The following CBX1 variants were observed in gnomAD, a reference collection of about 807,000 sequenced individuals.
The protein encoded by CBX1 is chromobox protein homolog 1.
In CBX1, 10 loss-of-function variants were observed where a neutral mutation model predicts 25.1. The ratio of observed to expected loss-of-function variants is 0.40; its 90% CI spans 0.25 to 0.68. The LOEUF is 0.68. Ranked by LOEUF, CBX1 falls within the 30% of genes least tolerant of loss-of-function variation. The pLI, the probability that CBX1 is intolerant of heterozygous loss-of-function variation, is 0.40. For synonymous variants in CBX1, 63 were observed against 79.4 expected (o/e 0.79, Z 1.10); for missense variants, 106 against 218.5 (o/e 0.49, Z 3.25).
intron 1 of CBX1, among the ~76,000 whole-genome samples, chr17:48,089,749 G>A (rs988821068): frequency 1.3e-5 from 2 of 149,632 alleles, no homozygotes; most frequent in African/African-American, 4.9e-5. Context: ...CTTGAACCCG[G>A]GAGGTGGAGG....
At position 48,076,889 on chromosome 17, in the gene CBX1, A is replaced by C; in HGVS notation, c.116T>G (p.Leu39Arg). ...CTCTGAGAATCCCTTCCACTTTAGG[A>C]GGTACTCCACTTTGCCCTTTACCAC... ...RRVVKGKVEY[L>R]LKWKGFSDED... The change falls in exon 2 of 5, where the codon CTC becomes CGC. Residue 39 changes from leucine (L) to arginine (R), a missense_variant. Transcript: ENST00000225603. 6.2e-7 allele frequency: 1 copy of C among 1,611,958 alleles called. No individual in the cohort carries two copies. The highest frequency in any genetic ancestry group is 8.5e-7 in the Non-Finnish European group (1 of 1,179,500).
chr17:48,072,765 AGAGT>A (rs771813566), intron 4 of CBX1, among the ~76,000 whole-genome samples: 2 of 151,450 alleles, frequency 1.3e-5, no homozygotes, highest in African/African-American at 4.8e-5. Context: ...CCTGGGCGAC[AGAGT>A]GAGACTCTGT....
chr17:48,086,595 C>A (rs561372770), intron 1 of CBX1, among the ~76,000 whole-genome samples: 64 of 152,314 alleles, frequency 4.2e-4, no homozygotes, highest in African/African-American at 1.4e-3. Flanking sequence ...ATGGCTCACA[C>A]CTGTAATCCC....
At chr17:48,098,280 C>CAAAT (rs1433181687) in intron 1 of CBX1, among the ~76,000 whole-genome samples, 1 of 151,604 alleles carries the variant, frequency 6.6e-6, no homozygotes, top group African/African-American at 2.4e-5. Context: ...AACAAACAAA[C>CAAAT]AAAAAGAAAC....
At chr17:48,085,607 G>C (rs978020793) in intron 1 of CBX1, among the ~76,000 whole-genome samples, 3 of 151,744 alleles carry the variant, frequency 2.0e-5, no homozygotes, top group African/African-American at 7.3e-5. Flanking sequence ...GGAATATGAA[G>C]GTATTCATTG....
At position 48,071,384 on chromosome 17, in the gene CBX1, T is replaced by C. The variant is rs1338621058; in HGVS notation, c.*51A>G. The C allele has an allele frequency of 1.9e-6, 3 of 1,548,946 alleles. No individual in the cohort carries two copies. The highest frequency in any genetic ancestry group is 2.6e-6 in the Non-Finnish European group (3 of 1,146,402). On this transcript the variant is annotated 3_prime_UTR_variant, in exon 5 of 5. Coordinates refer to ENST00000225603, the MANE Select transcript of CBX1 (RefSeq NM_001127228.2). ...TCAAGACAAGTAGAACTCCTTCCCT[T>C]CCCACTTGAAACCCACAGTCAGATG...
At chr17:48,076,841 T>A (rs755645997) in intron 2 of CBX1, 24 bp downstream of exon 2, 4 of 1,602,198 alleles carry the variant, frequency 2.5e-6, no homozygotes, top group Non-Finnish European at 2.6e-6. Flanking sequence ...GGTGGCTACA[T>A]TTACCTGTGT....
chr17:48,074,909 G>A (rs918470627), intron 4 of CBX1, 97 bp downstream of exon 4: 1 of 867,382 alleles, frequency 1.2e-6, no homozygotes, highest in Admixed American at 1.9e-5. Context: ...TTTCACACTT[G>A]GGTGATTGGA....
chr17:48,077,955 A>C (rs999841920), intron 1 of CBX1, among the ~76,000 whole-genome samples: 6 of 152,082 alleles, frequency 3.9e-5, no homozygotes, highest in African/African-American at 7.2e-5. Flanking sequence ...GGGGTTCAAG[A>C]CCATCCTGGC....
intron 1 of CBX1, among the ~76,000 whole-genome samples, chr17:48,094,740 A>G (rs1172975175): frequency 1.1e-5 from 1 of 87,924 alleles, no homozygotes; most frequent in Non-Finnish European, 2.6e-5. Flanking sequence ...TCTCAAAGGA[A>G]AAAAAAAAAA....
chr17:48,093,361 T>G (rs989207173), intron 1 of CBX1, among the ~76,000 whole-genome samples: 1 of 148,516 alleles, frequency 6.7e-6, no homozygotes, highest in Non-Finnish European at 1.5e-5. Flanking sequence ...CAAGTTCAAG[T>G]GAGAGTCCGA....
intron 1 of CBX1, among the ~76,000 whole-genome samples, chr17:48,096,095 G>A (rs2063373687): frequency 6.6e-6 from 1 of 152,146 alleles, no homozygotes; most frequent in Admixed American, 6.6e-5. Flanking sequence ...GGTCAGGCTG[G>A]TCTTCAGTTC....
Position 48,075,997 on chromosome 17 carries a change from T to C in CBX1, c.318+4A>G. 1.3e-6 allele frequency: 2 copies of C among 1,585,730 alleles called. No homozygotes were observed. Among genetic ancestry groups the C allele is most frequent in the Admixed American group, 1.7e-5 (1 of 57,424 alleles). Reference sequence around the variant, plus strand: ...CTAGTAAAAATTCTTACTTCTATTCTTACCTCTTCTTTCTTCTTCTTTGGT... The same window carrying C: ...CTAGTAAAAATTCTTACTTCTATTCCTACCTCTTCTTTCTTCTTCTTTGGT... On this transcript the variant is annotated splice_donor_region_variant and intron_variant, in intron 3 of 4. Coordinates refer to ENST00000225603, the MANE Select transcript of CBX1 (RefSeq NM_001127228.2).
chr17:48,083,026 C>G (rs1218577700), intron 1 of CBX1, among the ~76,000 whole-genome samples: 1 of 149,316 alleles, frequency 6.7e-6, no homozygotes, highest in Admixed American at 6.6e-5. Context: ...ACCACCATGC[C>G]CAGCTAATTT....
At chr17:48,098,490 C>T (rs1308122413) in intron 1 of CBX1, among the ~76,000 whole-genome samples, 2 of 150,994 alleles carry the variant, frequency 1.3e-5, no homozygotes, top group African/African-American at 4.9e-5. Flanking sequence ...GAGGTGCGTC[C>T]CCATTTTTTC....
intron 1 of CBX1, among the ~76,000 whole-genome samples, chr17:48,097,595 C>T (rs925805293): frequency 2.2e-4 from 33 of 147,188 alleles, no homozygotes; most frequent in Middle Eastern, 7.0e-3. Flanking sequence ...CCAGCTTTGG[C>T]GACAGAGCGA....
intron 1 of CBX1, among the ~76,000 whole-genome samples, chr17:48,081,947 A>G (rs891504131): frequency 6.6e-6 from 1 of 152,080 alleles, no homozygotes; most frequent in African/African-American, 2.4e-5. Flanking sequence ...CAAGAAAGCT[A>G]TTTGTCAAAA....
At chr17:48,074,290 A>C (rs192016504) in intron 4 of CBX1, among the ~76,000 whole-genome samples, 1 of 152,226 alleles carries the variant, frequency 6.6e-6, no homozygotes. Context: ...ATGGCTTAGA[A>C]TTATTCCTTC....
chr17:48,071,792 C>T lies in CBX1; in HGVS notation c.414-213G>A, dbSNP rs776099621. On this transcript the variant is annotated intron_variant, in intron 4 of 4. Coordinates refer to ENST00000225603, the MANE Select transcript of CBX1 (RefSeq NM_001127228.2). ...CTGTTGAAAATTCCCTCTGGGGATT[C>T]GTGTATGTCAAAAGCCAGGTCAATG... is the stretch of plus-strand genomic sequence containing the variant. 2.6e-5 allele frequency among the ~76,000 whole-genome samples: 4 copies of T among 152,250 alleles called. No individual in the cohort carries two copies. The Middle Eastern group carries it at 0.01, about 388-fold the overall frequency.
Sources: allele counts gnomAD v4.1 joint callset (sites outside exome capture counted in the v4.1 genomes callset), GRCh38; gene constraint gnomAD v4.1.1; transcripts MANE v1.5; gene names NCBI Gene and HGNC (gene_info 2026-07-23, HGNC 2026-07-21).